THRB: variants seen among roughly 807,000 people sequenced by gnomAD.
The protein encoded by THRB is thyroid hormone receptor beta, also known as nuclear receptor subfamily 1 group A member 2.
A neutral mutation model predicts 47.8 loss-of-function variants in THRB; 12 were observed. That is an observed-to-expected ratio of 0.25 (90% CI 0.16 to 0.41). THRB has a LOEUF of 0.41. Among genes scored for constraint, THRB ranks in the 10% least tolerant of loss-of-function variants. The pLI, the probability that THRB is intolerant of heterozygous loss-of-function variation, is 1.00. For missense variants in THRB, 348 were observed against 589.2 expected (o/e 0.59, Z 4.24); for synonymous variants, 218 against 212.2 (o/e 1.03, Z -0.24).
chr3:24,303,367 T>C (rs192810907), intron 2 of THRB, among the ~76,000 whole-genome samples: 279 of 152,298 alleles, frequency 1.8e-3, no homozygotes, highest in Non-Finnish European at 3.2e-3. Flanking sequence ...AGACTTGCTC[T>C]TGCTTCTCGG....
chr3:24,305,872 C>T (rs776070224), intron 2 of THRB, among the ~76,000 whole-genome samples: 1 of 152,188 alleles, frequency 6.6e-6, no homozygotes, highest in Admixed American at 6.5e-5. Context: ...TTCCTCTAAT[C>T]GTGCCTTGGC....
In THRB at chr3:24,192,820, G is replaced by A. The variant is rs151233362; in HGVS notation, c.23-2486C>T. ...GGGAAAAGGGCTTCATTCATGGGAG[G>A]CAATTACAAGCTCATAATTACTGTC... is the stretch of plus-strand genomic sequence containing the variant. On this transcript the variant is annotated intron_variant, in intron 4 of 10. Transcript: ENST00000646209. Among the ~76,000 whole-genome samples the A allele has an allele frequency of 3.7e-4, 56 of 152,252 alleles. 1 individual carries two copies. The highest frequency in any genetic ancestry group is 2.5e-3 in the East Asian group (13 of 5,180).
At chr3:24,206,241 A>T (rs1472012850) in intron 4 of THRB, among the ~76,000 whole-genome samples, 1 of 152,230 alleles carries the variant, frequency 6.6e-6, no homozygotes, top group African/African-American at 2.4e-5. Flanking sequence ...AATTGACCAC[A>T]TAGTTGGAAG....
chr3:24,230,626 C>T (rs535898944), intron 3 of THRB, among the ~76,000 whole-genome samples: 48 of 152,226 alleles, frequency 3.2e-4, no homozygotes, highest in Middle Eastern at 3.4e-3. Flanking sequence ...TACAGTATTG[C>T]GGGTCCTGAC....
chr3:24,383,127 A>G (rs2065834860), intron 1 of THRB, among the ~76,000 whole-genome samples: 1 of 152,144 alleles, frequency 6.6e-6, no homozygotes, highest in African/African-American at 2.4e-5. Context: ...ATTAATATCT[A>G]TTTCCTTTTG....
At chr3:24,348,589 A>C (rs144683217) in intron 1 of THRB, 3 of 152,152 alleles carry the variant, frequency 2.0e-5, no homozygotes, top group Non-Finnish European at 2.9e-5. Flanking sequence ...CTTCTGCACG[A>C]TGTGCTGTGC....
At chr3:24,447,106 T>C (rs935431086) in intron 1 of THRB, among the ~76,000 whole-genome samples, 1 of 152,318 alleles carries the variant, frequency 6.6e-6, no homozygotes, top group Non-Finnish European at 1.5e-5. Flanking sequence ...CAACATATAT[T>C]TTAATTATAA....
chr3:24,348,132 A>T (rs2149513123), intron 1 of THRB, among the ~76,000 whole-genome samples: 1 of 152,308 alleles, frequency 6.6e-6, no homozygotes, highest in South Asian at 2.1e-4. Context: ...AAAGGATAAC[A>T]CGTTAACGCA....
intron 1 of THRB, among the ~76,000 whole-genome samples, chr3:24,440,806 G>A (rs2071449698): frequency 6.6e-6 from 1 of 152,164 alleles, no homozygotes; most frequent in Non-Finnish European, 1.5e-5. Flanking sequence ...GAGGGAAACA[G>A]GTGATCTGAG....
chr3:24,464,261 AAAAAAAGAAAAAT>A (rs1560251122), intron 1 of THRB, among the ~76,000 whole-genome samples: 1 of 152,074 alleles, frequency 6.6e-6, no homozygotes, highest in African/African-American at 2.4e-5. Context: ...AAAAGAAAAA[AAAAAAAGAAAAAT>A]AAATGGTTGC....
chr3:24,131,717 A>C (rs1033767704), intron 9 of THRB, among the ~76,000 whole-genome samples: 1 of 152,198 alleles, frequency 6.6e-6, no homozygotes, highest in African/African-American at 2.4e-5. Flanking sequence ...GAAGGGACAC[A>C]ATGAGAAGAC....
intron 5 of THRB, among the ~76,000 whole-genome samples, chr3:24,170,027 T>C (rs1232130217): frequency 6.6e-6 from 1 of 152,142 alleles, no homozygotes; most frequent in Non-Finnish European, 1.5e-5. Flanking sequence ...GCAACATCCA[T>C]GTGGATATCT....
chr3:24,356,732 T>C (rs1254811151), intron 1 of THRB, among the ~76,000 whole-genome samples: 2 of 152,136 alleles, frequency 1.3e-5, no homozygotes, highest in African/African-American at 2.4e-5. Context: ...AAAAAGTCAC[T>C]AGTAGGGCCA....
intron 1 of THRB, among the ~76,000 whole-genome samples, chr3:24,396,691 C>A (rs1264208962): frequency 2.0e-5 from 3 of 152,102 alleles, no homozygotes; most frequent in Non-Finnish European, 4.4e-5. Context: ...ATGGCTCTTT[C>A]TTTGAAATCT....
chr3:24,469,748 A>C (rs1013506207), intron 1 of THRB, among the ~76,000 whole-genome samples: 1 of 152,242 alleles, frequency 6.6e-6, no homozygotes, highest in Non-Finnish European at 1.5e-5. Flanking sequence ...GTTGAAGAGC[A>C]ACAAACTATG....
chr3:24,180,081 T>A (rs1187122971), intron 5 of THRB, among the ~76,000 whole-genome samples: 1 of 152,210 alleles, frequency 6.6e-6, no homozygotes, highest in African/African-American at 2.4e-5. Flanking sequence ...TGTATTATTT[T>A]TCCCTTAAAG....
At chr3:24,456,174 A>AAT (rs2073154784) in intron 1 of THRB, among the ~76,000 whole-genome samples, 1 of 151,990 alleles carries the variant, frequency 6.6e-6, no homozygotes. Flanking sequence ...AAGAAAAAAA[A>AAT]TTTTTTAAAA....
chr3:24,361,012 G>A (rs2064024663), intron 1 of THRB, among the ~76,000 whole-genome samples: 1 of 152,164 alleles, frequency 6.6e-6, no homozygotes, highest in Non-Finnish European at 1.5e-5. Context: ...CCAGCTGATG[G>A]TTGCTATGGA....
Position 24,229,005 on chromosome 3 carries a change from C to T in THRB, c.-42-4G>A. 2 of 1,524,796 alleles carry T rather than the reference C, an allele frequency of 1.3e-6. No individual in the cohort carries two copies. The highest frequency in any genetic ancestry group is 1.8e-6 in the Non-Finnish European group (2 of 1,117,450). The allele number at this position is 1,524,796 out of a possible 1,614,324, so 94.5% of individuals were successfully genotyped here. On this transcript the variant is annotated splice_region_variant and splice_polypyrimidine_tract_variant and intron_variant, in intron 3 of 10. Transcript: ENST00000646209. Reference sequence around the variant, plus strand: ...TCCCTTTTTTCACTGACATCTCCTACAAGGAAAAAATACAAAAAAAATCAC... The same window carrying T: ...TCCCTTTTTTCACTGACATCTCCTATAAGGAAAAAATACAAAAAAAATCAC...
Sources: allele counts gnomAD v4.1 joint callset (sites outside exome capture counted in the v4.1 genomes callset), GRCh38; gene constraint gnomAD v4.1.1; transcripts MANE v1.5; gene names NCBI Gene and HGNC (gene_info 2026-07-23, HGNC 2026-07-21).